The following RIC1 variants were observed in gnomAD, a reference collection of about 807,000 sequenced individuals.
RIC1 encodes RIC1 partner of RAB6A GEF complex.
A neutral mutation model predicts 169.0 loss-of-function variants in RIC1; 88 were observed. The ratio of observed to expected loss-of-function variants is 0.52; its 90% CI spans 0.44 to 0.62. The LOEUF is 0.62. Among genes scored for constraint, RIC1 ranks in the 20% least tolerant of loss-of-function variants. The pLI, the probability that RIC1 is intolerant of heterozygous loss-of-function variation, is 0.00. For missense variants in RIC1, 1,877 were observed against 1,725.5 expected (o/e 1.09, Z -1.56); for synonymous variants, 790 against 601.5 (o/e 1.31, Z -4.59).
intron 8 of RIC1, among the ~76,000 whole-genome samples, chr9:5,742,133 A>C (rs1825119531): frequency 6.6e-6 from 1 of 152,120 alleles, no homozygotes; most frequent in Admixed American, 6.6e-5. Context: ...CTTTTCCTAC[A>C]TGGCAGAGGC....
chr9:5,652,638 C>T (rs1420501925), intron 1 of RIC1, among the ~76,000 whole-genome samples: 2 of 151,762 alleles, frequency 1.3e-5, no homozygotes, highest in African/African-American at 4.8e-5. Flanking sequence ...ATTGTGTTAC[C>T]TGCAAATAGT....
chr9:5,734,744 C>G (rs996393832), intron 7 of RIC1, among the ~76,000 whole-genome samples: 1 of 152,138 alleles, frequency 6.6e-6, no homozygotes, highest in Non-Finnish European at 1.5e-5. Flanking sequence ...AGTAACTGGT[C>G]AACATTGTGA....
Position 5,645,670 on chromosome 9 carries a change from G to A in RIC1, c.145-10913G>A, listed in dbSNP as rs528133088. 3.3e-5 allele frequency among the ~76,000 whole-genome samples: 5 copies of A among 152,240 alleles called. No individual in the cohort carries two copies. In the East Asian group the frequency reaches 9.7e-4, roughly 29 times the overall value. ...ACACACTATTTGTCTTTTTGTGATT[G>A]ACTTATTGCACTCAGCATGTCTTAA... On this transcript the variant is annotated intron_variant, in intron 1 of 25. Coordinates refer to ENST00000414202, the MANE Select transcript of RIC1 (RefSeq NM_020829.4).
intron 2 of RIC1, among the ~76,000 whole-genome samples, chr9:5,671,661 A>G (rs1184942028): frequency 2.6e-5 from 4 of 152,258 alleles, no homozygotes; most frequent in Non-Finnish European, 5.9e-5. Context: ...TTGAACAACT[A>G]GTAGAAATGG....
intron 7 of RIC1, among the ~76,000 whole-genome samples, chr9:5,733,201 A>G (rs1294643729): frequency 6.6e-6 from 1 of 151,660 alleles, no homozygotes; most frequent in Non-Finnish European, 1.5e-5. Flanking sequence ...TGGTTGTTCT[A>G]TAGAACATAT....
chr9:5,726,199 T>G (rs1386608416), intron 6 of RIC1, among the ~76,000 whole-genome samples: 1 of 152,214 alleles, frequency 6.6e-6, no homozygotes, highest in East Asian at 1.9e-4. Context: ...AGTCTCTTTG[T>G]AGGTCTCTAA....
intron 2 of RIC1, among the ~76,000 whole-genome samples, chr9:5,666,289 A>T (rs917444786): frequency 6.6e-6 from 1 of 152,038 alleles, no homozygotes; most frequent in Non-Finnish European, 1.5e-5. Context: ...TATTGATTTT[A>T]TATCCTACGA....
At chr9:5,677,908 G>C (rs1274768703) in intron 2 of RIC1, among the ~76,000 whole-genome samples, 3 of 151,588 alleles carry the variant, frequency 2.0e-5, no homozygotes, top group South Asian at 2.1e-4. Flanking sequence ...GTGTAGGTTT[G>C]TTACATATGT....
intron 3 of RIC1, chr9:5,713,396 G>A (rs1823051891): frequency 6.6e-6 from 1 of 152,354 alleles, no homozygotes; most frequent in African/African-American, 2.4e-5. Context: ...TAAGTAACTT[G>A]TGAAACATCT....
rs115720499 is a variant in RIC1 at position 5,664,611 on chromosome 9, A to G, written c.252+7921A>G. On this transcript the variant is annotated intron_variant, in intron 2 of 25. Transcript: ENST00000414202. ...GTCTTGGGGTTGATCTTCTCAGGGAATATCTTACTGAGGTTTTCTGCATTT... is the reference window on the plus strand; with the variant it reads ...GTCTTGGGGTTGATCTTCTCAGGGAGTATCTTACTGAGGTTTTCTGCATTT... 4.2e-3 allele frequency among the ~76,000 whole-genome samples: 638 copies of G among 152,154 alleles called. 7 individuals are homozygous for G. The highest frequency in any genetic ancestry group is 0.015 in the African/African-American group (609 of 41,502).
intron 6 of RIC1, among the ~76,000 whole-genome samples, chr9:5,729,842 A>T (rs1469579325): frequency 8.1e-6 from 1 of 123,038 alleles, no homozygotes; most frequent in Non-Finnish European, 1.8e-5. Context: ...ATGAATTAGA[A>T]AAAACTCTTT....
intron 17 of RIC1, among the ~76,000 whole-genome samples, chr9:5,762,054 T>A (rs533893628): frequency 6.6e-6 from 1 of 152,344 alleles, no homozygotes; most frequent in South Asian, 2.1e-4. Flanking sequence ...GAAGGTCTGT[T>A]ACCATCCAGC....
At chr9:5,736,919 G>C (rs1824746996) in intron 7 of RIC1, among the ~76,000 whole-genome samples, 1 of 151,796 alleles carries the variant, frequency 6.6e-6, no homozygotes, top group South Asian at 2.1e-4. Flanking sequence ...CTTGAGAAGA[G>C]GTAGGACCTG....
intron 15 of RIC1, among the ~76,000 whole-genome samples, chr9:5,755,922 TTAAATAAATAAATAAA>T (rs55944285): frequency 0.019 from 2,857 of 148,284 alleles, 32 homozygotes; most frequent in Non-Finnish European, 0.024. Context: ...GACCCCGTCT[TTAAATAAATAAATAAA>T]TAAATAAATA....
chr9:5,686,601 G>A (rs1821245811), intron 2 of RIC1, among the ~76,000 whole-genome samples: 1 of 139,700 alleles, frequency 7.2e-6, no homozygotes, highest in Non-Finnish European at 1.5e-5. Context: ...GACATGAAGG[G>A]GAATATCACA....
intron 1 of RIC1, among the ~76,000 whole-genome samples, chr9:5,641,221 A>G (rs1028554132): frequency 1.3e-5 from 2 of 151,046 alleles, no homozygotes; most frequent in African/African-American, 4.9e-5. Flanking sequence ...CCTCCTGAGT[A>G]CCTGGGACTA....
chr9:5,744,260 T>C (rs1825253183), intron 10 of RIC1, among the ~76,000 whole-genome samples: 1 of 152,140 alleles, frequency 6.6e-6, no homozygotes. Context: ...CCTGCTTGCT[T>C]TTAACATGAG....
intron 7 of RIC1, among the ~76,000 whole-genome samples, chr9:5,733,735 A>G (rs1587060553): frequency 6.6e-6 from 1 of 152,154 alleles, no homozygotes; most frequent in South Asian, 2.1e-4. Flanking sequence ...GAGAGAAGGA[A>G]AAGCTTTTTT....
intron 8 of RIC1, among the ~76,000 whole-genome samples, chr9:5,738,961 G>A (rs945428527): frequency 4.6e-5 from 7 of 152,044 alleles, no homozygotes; most frequent in East Asian, 3.9e-4. Flanking sequence ...TGCTACCTCC[G>A]GATCCAGTTA....
Sources: gnomAD v4.1 joint callset for allele counts (sites outside exome capture counted in the v4.1 genomes callset) on GRCh38, gnomAD v4.1.1 for gene constraint, MANE v1.5 for transcripts, NCBI Gene and HGNC (gene_info 2026-07-23, HGNC 2026-07-21) for gene names.